MSRB3: variants seen among roughly 807,000 people sequenced by gnomAD.
The protein encoded by MSRB3 is methionine sulfoxide reductase B3, also known as methionine-R-sulfoxide reductase B3.
In MSRB3, 13 loss-of-function variants were observed where a neutral mutation model predicts 21.0. The observed-to-expected ratio is 0.62, with a 90% CI of 0.40 to 0.98. The LOEUF is 0.98. MSRB3 is among the 50% of genes least tolerant of loss of function. The pLI is 0.00. For missense variants in MSRB3, 199 were observed against 230.3 expected (o/e 0.86, Z 0.88); for synonymous variants, 87 against 88.6 (o/e 0.98, Z 0.10).
intron 5 of MSRB3, among the ~76,000 whole-genome samples, chr12:65,381,973 C>T (rs1878962047): frequency 6.6e-6 from 1 of 151,938 alleles, no homozygotes; most frequent in Admixed American, 6.6e-5. Context: ...ATTATATTTT[C>T]ACACAATAGC....
At position 65,463,442 on chromosome 12, in the gene MSRB3, T is replaced by G; in HGVS notation, c.*120T>G. On this transcript the variant is annotated 3_prime_UTR_variant, in exon 7 of 7. Transcript: ENST00000308259. ...TATAAGGGCAGTTTTGTGCTATTGA[T>G]ATTTTTTCTTCTTTTGCTTAAACAG... is the stretch of plus-strand genomic sequence containing the variant. 7.9e-7 allele frequency: 1 copy of G among 1,263,828 alleles called. No individual in the cohort carries two copies. Among genetic ancestry groups the G allele is most frequent in the Non-Finnish European group, 1.1e-6 (1 of 917,222 alleles). The allele number at this position is 1,263,828 out of a possible 1,614,324, so 78.3% of individuals were successfully genotyped here.
intron 4 of MSRB3, among the ~76,000 whole-genome samples, chr12:65,350,470 TTAAATG>T (rs1191829842): frequency 6.6e-6 from 1 of 150,722 alleles, no homozygotes; most frequent in Non-Finnish European, 1.5e-5. Flanking sequence ...AATATTAACT[TTAAATG>T]TAAATGGACT....
intron 4 of MSRB3, among the ~76,000 whole-genome samples, chr12:65,351,180 A>T (rs781227143): frequency 1.3e-5 from 2 of 151,696 alleles, no homozygotes; most frequent in African/African-American, 4.8e-5. Context: ...ACTCAACTAC[A>T]TGGAAACTGA....
chr12:65,399,375 A>G (rs1879993536), intron 5 of MSRB3, among the ~76,000 whole-genome samples: 1 of 152,072 alleles, frequency 6.6e-6, no homozygotes, highest in African/African-American at 2.4e-5. Context: ...CCTATTGTGA[A>G]TGGGAGTTCA....
intron 2 of MSRB3, among the ~76,000 whole-genome samples, chr12:65,310,705 C>T (rs1400427148): frequency 1.3e-5 from 2 of 152,196 alleles, no homozygotes; most frequent in African/African-American, 2.4e-5. Flanking sequence ...ATATAAATAT[C>T]TTTAAATTTT....
chr12:65,449,587 C>G (rs1378445890), intron 5 of MSRB3, among the ~76,000 whole-genome samples: 1 of 152,166 alleles, frequency 6.6e-6, no homozygotes, highest in Non-Finnish European at 1.5e-5. Flanking sequence ...ACCCATCACC[C>G]AAACCCAGTG....
chr12:65,344,701 T>C (rs1021840606), intron 4 of MSRB3, among the ~76,000 whole-genome samples: 2 of 151,718 alleles, frequency 1.3e-5, no homozygotes, highest in East Asian at 1.9e-4. Flanking sequence ...TACTTCCCCA[T>C]TGGGCAAAAA....
intron 5 of MSRB3, among the ~76,000 whole-genome samples, chr12:65,414,582 G>A (rs1286803808): frequency 1.3e-5 from 2 of 152,178 alleles, no homozygotes; most frequent in East Asian, 3.8e-4. Flanking sequence ...GAGGTGTGTA[G>A]CAGGTATACC....
chr12:65,451,028 A>G (rs1882833939), intron 5 of MSRB3, among the ~76,000 whole-genome samples: 2 of 152,182 alleles, frequency 1.3e-5, no homozygotes. Context: ...GAAGTCTAGC[A>G]AAGCAACTCA....
intron 5 of MSRB3, among the ~76,000 whole-genome samples, chr12:65,421,254 A>T (rs984392913): frequency 9.2e-5 from 14 of 152,024 alleles, no homozygotes; most frequent in African/African-American, 3.4e-4. Flanking sequence ...GACCACATAC[A>T]TGTCTTCTTT....
chr12:65,375,049 G>A (rs1230979803), intron 5 of MSRB3, among the ~76,000 whole-genome samples: 1 of 151,378 alleles, frequency 6.6e-6, no homozygotes, highest in Non-Finnish European at 1.5e-5. Flanking sequence ...TAGAGACGGG[G>A]TTTCACCGTG....
intron 1 of MSRB3, among the ~76,000 whole-genome samples, chr12:65,295,141 A>T (rs1302266347): frequency 3.9e-5 from 6 of 152,168 alleles, no homozygotes; most frequent in Admixed American, 3.9e-4. Flanking sequence ...TCCATGTTTT[A>T]TTCACTTTTT....
At chr12:65,414,729 A>G (rs1372611777) in intron 5 of MSRB3, among the ~76,000 whole-genome samples, 1 of 152,188 alleles carries the variant, frequency 6.6e-6, no homozygotes, top group Non-Finnish European at 1.5e-5. Flanking sequence ...GTATTTCCCA[A>G]TAGGAAATGA....
At chr12:65,407,940 TC>T (rs919945001) in intron 5 of MSRB3, among the ~76,000 whole-genome samples, 23 of 152,020 alleles carry the variant, frequency 1.5e-4, no homozygotes, top group African/African-American at 5.3e-4. Context: ...TACATTATCA[TC>T]TGTTCTTGCA....
At chr12:65,396,748 G>T (rs1284124031) in intron 5 of MSRB3, among the ~76,000 whole-genome samples, 1 of 145,080 alleles carries the variant, frequency 6.9e-6, no homozygotes, top group Admixed American at 6.9e-5. Flanking sequence ...AAGAAAGAAA[G>T]AAAGAAAACC....
chr12:65,436,569 G>A (rs9783497), intron 5 of MSRB3, among the ~76,000 whole-genome samples: 43,488 of 151,440 alleles, frequency 0.29, 6,830 homozygotes, highest in Middle Eastern at 0.45. Context: ...CCCTGATTTG[G>A]GTGTTATAGC....
chr12:65,348,682 G>A (rs1226223165), intron 4 of MSRB3, among the ~76,000 whole-genome samples: 1 of 152,076 alleles, frequency 6.6e-6, no homozygotes, highest in Non-Finnish European at 1.5e-5. Context: ...TGACGTTAGG[G>A]TGTCAATTTT....
intron 5 of MSRB3, among the ~76,000 whole-genome samples, chr12:65,371,573 A>ATGTGTG (rs149808439): frequency 1.5e-3 from 215 of 147,876 alleles, no homozygotes; most frequent in East Asian, 4.2e-3. Flanking sequence ...GTTAAATTTT[A>ATGTGTG]TGTGTGTGTG....
intron 4 of MSRB3, among the ~76,000 whole-genome samples, chr12:65,347,737 C>T (rs1876618881): frequency 6.6e-6 from 1 of 152,272 alleles, no homozygotes; most frequent in East Asian, 1.9e-4. Context: ...ATAGATAACT[C>T]TTATTATTTG....
Sources: gnomAD v4.1 joint callset for allele counts (sites outside exome capture counted in the v4.1 genomes callset) on GRCh38, gnomAD v4.1.1 for gene constraint, MANE v1.5 for transcripts, NCBI Gene and HGNC (gene_info 2026-07-23, HGNC 2026-07-21) for gene names.